The following CADM1 variants were observed in gnomAD, a reference collection of about 807,000 sequenced individuals.
CADM1 encodes cell adhesion molecule 1.
A neutral mutation model predicts 53.1 loss-of-function variants in CADM1; 15 were observed. The ratio of observed to expected loss-of-function variants is 0.28; its 90% confidence interval spans 0.19 to 0.44. CADM1 has a LOEUF of 0.44. Among genes scored for constraint, CADM1 ranks in the 20% least tolerant of loss-of-function variants. CADM1 has a pLI of 1.00. For missense variants in CADM1, 434 were observed against 611.3 expected (o/e 0.71, Z 3.06); for synonymous variants, 281 against 243.0 (o/e 1.16, Z -1.45).
At chr11:115,215,068 G>A (rs1396027529) in intron 6 of CADM1, among the ~76,000 whole-genome samples, 2 of 152,058 alleles carry the variant, frequency 1.3e-5, no homozygotes, top group Non-Finnish European at 2.9e-5. Context: ...TTTATGCCCC[G>A]CTGTGTGGTT....
chr11:115,233,004 C>A (rs1469433676), intron 3 of CADM1, among the ~76,000 whole-genome samples: 1 of 152,154 alleles, frequency 6.6e-6, no homozygotes, highest in East Asian at 1.9e-4. Context: ...CTGTTCTAGT[C>A]CACAATGTGA....
intron 1 of CADM1, among the ~76,000 whole-genome samples, chr11:115,253,237 C>T (rs892638254): frequency 3.3e-5 from 5 of 151,578 alleles, no homozygotes; most frequent in Admixed American, 2.0e-4. Context: ...TTAGCCTGTT[C>T]GGCTTGCACG....
chr11:115,482,816 AAATAT>A (rs1181919738), intron 1 of CADM1, among the ~76,000 whole-genome samples: 1 of 152,222 alleles, frequency 6.6e-6, no homozygotes, highest in Non-Finnish European at 1.5e-5. Flanking sequence ...ATATTTTTAA[AAATAT>A]AATAAAACGA....
chr11:115,257,461 G>A (rs1338753378), intron 1 of CADM1, among the ~76,000 whole-genome samples: 1 of 152,142 alleles, frequency 6.6e-6, no homozygotes, highest in Non-Finnish European at 1.5e-5. Context: ...CATGTCAAAA[G>A]CACTAAATAT....
At chr11:115,306,457 T>C (rs1944377473) in intron 1 of CADM1, among the ~76,000 whole-genome samples, 1 of 152,018 alleles carries the variant, frequency 6.6e-6, no homozygotes, top group Admixed American at 6.6e-5. Context: ...CTACATCACC[T>C]ACTAAGATTA....
At chr11:115,215,454 C>T (rs920218534) in intron 6 of CADM1, among the ~76,000 whole-genome samples, 4 of 152,138 alleles carry the variant, frequency 2.6e-5, no homozygotes, top group Non-Finnish European at 4.4e-5. Flanking sequence ...TCTTTACTGG[C>T]TCTCCAAGGC....
At chr11:115,298,571 C>T (rs1255046496) in intron 1 of CADM1, among the ~76,000 whole-genome samples, 1 of 152,184 alleles carries the variant, frequency 6.6e-6, no homozygotes, top group Non-Finnish European at 1.5e-5. Flanking sequence ...GTTCATGAAT[C>T]ATTGATCCTG....
chr11:115,277,217 T>C (rs550133299), intron 1 of CADM1, among the ~76,000 whole-genome samples: 167 of 152,302 alleles, frequency 1.1e-3, no homozygotes, highest in African/African-American at 3.8e-3. Context: ...TTATGCAGCA[T>C]TGATACCCTG....
At chr11:115,307,515 A>ATATATAT (rs1045833980) in intron 1 of CADM1, among the ~76,000 whole-genome samples, 3 of 117,804 alleles carry the variant, frequency 2.5e-5, no homozygotes, top group African/African-American at 9.9e-5. Flanking sequence ...CAGGAAAAAA[A>ATATATAT]AAATATATAT....
At chr11:115,395,084 T>C (rs1189259504) in intron 1 of CADM1, among the ~76,000 whole-genome samples, 1 of 152,186 alleles carries the variant, frequency 6.6e-6, no homozygotes, top group Non-Finnish European at 1.5e-5. Flanking sequence ...TATTCATATA[T>C]AGAAAGCAGA....
At chr11:115,469,197 T>C (rs1948956940) in intron 1 of CADM1, among the ~76,000 whole-genome samples, 1 of 152,218 alleles carries the variant, frequency 6.6e-6, no homozygotes, top group Non-Finnish European at 1.5e-5. Flanking sequence ...ATTATAAATA[T>C]GGCTAAGTAT....
chr11:115,193,405 C>T (rs973431622), intron 9 of CADM1, among the ~76,000 whole-genome samples: 2 of 152,164 alleles, frequency 1.3e-5, no homozygotes, highest in Admixed American at 1.3e-4. Flanking sequence ...CCTAAAGATG[C>T]AAACATGGTA....
chr11:115,177,960 C>A (rs1265321118), intron 11 of CADM1, among the ~76,000 whole-genome samples: 1 of 151,652 alleles, frequency 6.6e-6, no homozygotes, highest in Non-Finnish European at 1.5e-5. Context: ...CAGGGGCGGA[C>A]AAAGAAAAGG....
chr11:115,493,830 A>G (rs1829855949), intron 1 of CADM1, among the ~76,000 whole-genome samples: 1 of 152,140 alleles, frequency 6.6e-6, no homozygotes, highest in African/African-American at 2.4e-5. Context: ...TCAATGCCAT[A>G]AAAGATACCC....
At chr11:115,490,018 C>T (rs917135435) in intron 1 of CADM1, among the ~76,000 whole-genome samples, 3 of 152,168 alleles carry the variant, frequency 2.0e-5, no homozygotes, top group African/African-American at 4.8e-5. Context: ...GCATGAAGGA[C>T]ACTGCAGGAC....
intron 1 of CADM1, among the ~76,000 whole-genome samples, chr11:115,301,634 T>C (rs558352538): frequency 1.3e-5 from 2 of 152,070 alleles, no homozygotes; most frequent in Non-Finnish European, 2.9e-5. Flanking sequence ...AGCAGTAATA[T>C]GATACAGTGC....
chr11:115,234,232 GGAAA>G (rs947337803), intron 3 of CADM1, among the ~76,000 whole-genome samples: 9 of 152,096 alleles, frequency 5.9e-5, no homozygotes, highest in African/African-American at 1.7e-4. Context: ...ATTTCTCAGT[GGAAA>G]GTCTTTATTG....
chr11:115,189,682 T>C (rs893457181), intron 10 of CADM1, among the ~76,000 whole-genome samples: 5 of 152,266 alleles, frequency 3.3e-5, no homozygotes, highest in Non-Finnish European at 5.9e-5. Context: ...TCTATCTTTC[T>C]AATCTATTTA....
chr11:115,350,468 C>T (rs1181043420), intron 1 of CADM1, among the ~76,000 whole-genome samples: 1 of 150,334 alleles, frequency 6.7e-6, no homozygotes, highest in African/African-American at 2.4e-5. Context: ...CCTAAAAGTG[C>T]TTTGCCTCAC....
Sources: gnomAD v4.1 joint callset for allele counts (sites outside exome capture counted in the v4.1 genomes callset) on GRCh38, gnomAD v4.1.1 for gene constraint, MANE v1.5 for transcripts, NCBI Gene and HGNC (gene_info 2026-07-23, HGNC 2026-07-21) for gene names.